EDN3: variants seen among roughly 807,000 people sequenced by gnomAD.
EDN3 encodes the protein endothelin-3.
Under a neutral mutation model 21.4 loss-of-function variants are expected in EDN3, and 9 were observed. The observed-to-expected ratio is 0.42, with a 90% confidence interval of 0.25 to 0.73. The LOEUF (loss-of-function observed/expected upper bound fraction) is 0.73. Among genes scored for constraint, EDN3 ranks in the 30% least tolerant of loss-of-function variants. EDN3 has a pLI of 0.26. For missense variants in EDN3, 327 were observed against 309.4 expected, an observed-to-expected ratio of 1.06 and a Z score of -0.43; for synonymous variants, 133 against 126.2, an observed-to-expected ratio of 1.05 and a Z score of -0.36.
Position 59,300,651 on chromosome 20 carries a change from C to G in EDN3, c.-162C>G, listed in dbSNP as rs1230089696. The G allele has an allele frequency of 1.5e-6, 1 of 678,972 alleles. No individual in the cohort carries two copies. Among genetic ancestry groups the G allele is most frequent in the Non-Finnish European group, 2.5e-6 (1 of 404,064 alleles). 42.1% of individuals were successfully genotyped at this position (678,972 alleles called of 1,614,324 possible). On this transcript the variant is annotated 5_prime_UTR_variant, in exon 1 of 5. Transcript: ENST00000337938. ...GCGCGCTCTGAAAGTTTATGACCGC[C>G]GCAGCCAACTCCTGGCCGGAGCTGG...
At position 59,322,149 on chromosome 20, in the gene EDN3, C is replaced by T. The variant is rs1207711828; in HGVS notation, c.543-223C>T. Among the ~76,000 whole-genome samples the T allele has an allele frequency of 6.6e-6, 1 of 152,202 alleles. No individual in the cohort carries two copies. Among genetic ancestry groups the T allele is most frequent in the Non-Finnish European group, 1.5e-5 (1 of 68,040 alleles). On this transcript the variant is annotated intron_variant, in intron 3 of 4. Coordinates refer to ENST00000337938, the MANE Select transcript of EDN3 (RefSeq NM_207034.3). This position sits in a 1 kb window ranked among gnomAD's most constrained non-coding sequence, Gnocchi z 4.1. ...TGCATGGTTTTTCCCCCCTTCTGGG[C>T]TTTTAAACATCCGATGAATAAGTGA... is the stretch of plus-strand genomic sequence containing the variant.
intron 2 of EDN3, among the ~76,000 whole-genome samples, chr20:59,316,209 T>C (rs913143705): frequency 6.6e-6 from 1 of 152,010 alleles, no homozygotes; most frequent in African/African-American, 2.4e-5. Context: ...AACAAAACAC[T>C]GTTGACTGAA....
intron 2 of EDN3, among the ~76,000 whole-genome samples, chr20:59,309,152 A>G (rs1380979459): frequency 6.6e-6 from 1 of 152,162 alleles, no homozygotes; most frequent in African/African-American, 2.4e-5. Flanking sequence ...GTAATGGGGC[A>G]TGGCGCTCTT....
Position 59,301,629 on chromosome 20 carries a change from A to G in EDN3, c.272A>G (p.His91Arg), listed in dbSNP as rs1459094532. 14 of 1,614,050 alleles carry G rather than the reference A, an allele frequency of 8.7e-6. No individual in the cohort carries two copies. The highest frequency in any genetic ancestry group is 2.2e-5 in the East Asian group (1 of 44,886). The change falls in exon 2 of 5, where the codon CAC becomes CGC. Residue 91 changes from histidine to arginine, a missense_variant. Transcript: ENST00000337938. Reference sequence around the variant, plus strand: ...CAGGCGGCCGAGGGGGCCCCTGAGCACCACCGATCCAGGCGCTGCACGTGC... The same window carrying G: ...CAGGCGGCCGAGGGGGCCCCTGAGCGCCACCGATCCAGGCGCTGCACGTGC... The part of the protein sequence containing the change: ...QEQAAEGAPE[H>R]HRSRRCTCFT...
chr20:59,312,379 C>T (rs1989890455), intron 2 of EDN3, among the ~76,000 whole-genome samples: 1 of 151,950 alleles, frequency 6.6e-6, no homozygotes, highest in African/African-American at 2.4e-5. Context: ...TTTTTTTAGC[C>T]ATAAGTCTTG....
Position 59,324,469 on chromosome 20 carries a change from C to T in EDN3, c.*10C>T, listed in dbSNP as rs774891807. 6.2e-7 allele frequency: 1 copy of T among 1,614,006 alleles called. No individual in the cohort carries two copies. The highest frequency in any genetic ancestry group is 8.5e-7 in the Non-Finnish European group (1 of 1,180,000). ...GGAAGGAGCCCCTTAGGAGGACAGG[C>T]CTGCAGCATCCTGGTCTCGGGAGGC... On this transcript the variant is annotated 3_prime_UTR_variant, in exon 5 of 5. Coordinates refer to ENST00000337938, the MANE Select transcript of EDN3 (RefSeq NM_207034.3).
intron 2 of EDN3, among the ~76,000 whole-genome samples, chr20:59,303,522 A>G (rs553182124): frequency 6.6e-6 from 1 of 152,340 alleles, no homozygotes; most frequent in African/African-American, 2.4e-5. Flanking sequence ...GAGAAAGAAG[A>G]AAGCTAATGG....
intron 2 of EDN3, among the ~76,000 whole-genome samples, chr20:59,317,826 G>A (rs996057491): frequency 2.0e-5 from 3 of 152,210 alleles, no homozygotes; most frequent in African/African-American, 7.2e-5. Flanking sequence ...TGAATTACCA[G>A]TTGCTCAATC....
intron 2 of EDN3, among the ~76,000 whole-genome samples, chr20:59,304,271 AT>A (rs1248670953): frequency 1.3e-5 from 2 of 152,192 alleles, no homozygotes; most frequent in African/African-American, 4.8e-5. Context: ...AAATCACTGA[AT>A]TGAGCAAAAG....
At chr20:59,319,726 C>CAAAAAAAAAA (rs528500611) in intron 2 of EDN3, among the ~76,000 whole-genome samples, 1 of 52,196 alleles carries the variant, frequency 1.9e-5, no homozygotes, top group African/African-American at 5.8e-5. Flanking sequence ...GACTCTGTCT[C>CAAAAAAAAAA]AAAAAAAAAA....
chr20:59,314,456 G>A (rs1990045332), intron 2 of EDN3, among the ~76,000 whole-genome samples: 1 of 152,104 alleles, frequency 6.6e-6, no homozygotes, highest in African/African-American at 2.4e-5. Context: ...CAGACTGGAG[G>A]CAAGAAGAAG....
At chr20:59,310,429 T>C (rs11570298) in intron 2 of EDN3, among the ~76,000 whole-genome samples, 3 of 152,176 alleles carry the variant, frequency 2.0e-5, no homozygotes, top group Admixed American at 1.3e-4. Context: ...TGTGAATGAA[T>C]TGTTTGTCCG....
At chr20:59,317,873 G>T (rs1990284442) in intron 2 of EDN3, among the ~76,000 whole-genome samples, 1 of 152,208 alleles carries the variant, frequency 6.6e-6, no homozygotes, top group Admixed American at 6.5e-5. Context: ...GAGGCCCATG[G>T]TGGGTAAAAA....
chr20:59,310,829 C>CA (rs11086669), intron 2 of EDN3, among the ~76,000 whole-genome samples: 127,479 of 151,998 alleles, frequency 0.84, 53,908 homozygotes, highest in East Asian at 0.95. Context: ...TTGGGGAGCG[C>CA]AAATTGCTTT....
chr20:59,321,917 T>G (rs1990571801), intron 3 of EDN3, among the ~76,000 whole-genome samples: 2 of 152,154 alleles, frequency 1.3e-5, no homozygotes, highest in African/African-American at 4.8e-5. Flanking sequence ...TGCTCCTTAC[T>G]CCATCTTTTT....
chr20:59,311,003 A>G (rs1367505076), intron 2 of EDN3, among the ~76,000 whole-genome samples: 1 of 152,162 alleles, frequency 6.6e-6, no homozygotes, highest in Non-Finnish European at 1.5e-5. Context: ...GAAAGTAGGA[A>G]AAAACAAGTA....
In EDN3 at chr20:59,300,812, C is replaced by T. The variant is rs1277103531; in HGVS notation, c.-1C>T. On this transcript the variant is annotated 5_prime_UTR_variant, in exon 1 of 5. Coordinates refer to ENST00000337938, the MANE Select transcript of EDN3 (RefSeq NM_207034.3). ...GGTGCTCCGGCGCCTGATCTAGGTT[C>T]ATGGAGCCGGGGCTGTGGCTCCTTT... 1 of 1,610,602 alleles carries T rather than the reference C, an allele frequency of 6.2e-7. No homozygotes were observed. Among genetic ancestry groups the T allele is most frequent in the African/African-American group, 1.3e-5 (1 of 74,858 alleles).
intron 2 of EDN3, among the ~76,000 whole-genome samples, chr20:59,316,079 G>A (rs540080411): frequency 3.9e-5 from 6 of 152,260 alleles, no homozygotes; most frequent in African/African-American, 7.2e-5. Context: ...CCAGCTGCTT[G>A]GGAGGGTGAG....
At chr20:59,300,909 A>G in intron 1 of EDN3, 45 bp downstream of exon 1, 1 of 1,601,472 alleles carries the variant, frequency 6.2e-7, no homozygotes, top group Non-Finnish European at 8.5e-7. Context: ...GAGCGCACAC[A>G]AAAGGACCCA....
Sources: gnomAD v4.1 joint callset for allele counts (sites outside exome capture counted in the v4.1 genomes callset) on GRCh38, gnomAD v4.1.1 for gene constraint, Gnocchi (gnomAD v3.1) non-coding constraint, MANE v1.5 for transcripts, NCBI Gene and HGNC (gene_info 2026-07-23, HGNC 2026-07-21) for gene names.